CDH23: variants seen among roughly 807,000 people sequenced by gnomAD.
CDH23 encodes cadherin related 23, also known as cadherin-23.
In CDH23, 189 loss-of-function variants were observed where a neutral mutation model predicts 317.1. The ratio of observed to expected loss-of-function variants is 0.60; its 90% confidence interval spans 0.53 to 0.67. The LOEUF (loss-of-function observed/expected upper bound fraction) is 0.67. Ranked by LOEUF, CDH23 falls within the 30% of genes least tolerant of loss-of-function variation. The pLI, the probability that CDH23 is intolerant of heterozygous loss-of-function variation, is 0.00. For missense variants in CDH23, 4,401 were observed against 4,592.4 expected, an observed-to-expected ratio of 0.96 and a Z score of 1.20; for synonymous variants, 1,839 against 1,876.8, an observed-to-expected ratio of 0.98 and a Z score of 0.52.
intron 40 of CDH23, 124 bp downstream of exon 40, chr10:71,778,432 C>A (rs2132927764): frequency 1.6e-6 from 2 of 1,285,716 alleles, no homozygotes; most frequent in Non-Finnish European, 2.1e-6. Context: ...AATCCAAGAC[C>A]CCTGTCCTAA....
intron 53 of CDH23, among the ~76,000 whole-genome samples, chr10:71,801,842 AAC>A (rs1841566117): frequency 6.6e-6 from 1 of 152,168 alleles, no homozygotes; most frequent in Admixed American, 6.5e-5. Context: ...TGTTGGGAAA[AAC>A]ACAGCATTTG....
intron 9 of CDH23, among the ~76,000 whole-genome samples, chr10:71,603,463 A>G (rs1589253899): frequency 1.4e-5 from 1 of 72,712 alleles, no homozygotes; most frequent in Admixed American, 1.5e-4. Flanking sequence ...CAGAACAGAC[A>G]GCCAGCCCTC....
At chr10:71,444,452 G>C (rs774727093) in intron 2 of CDH23, among the ~76,000 whole-genome samples, 1 of 152,240 alleles carries the variant, frequency 6.6e-6, no homozygotes, top group Non-Finnish European at 1.5e-5. Context: ...AGGTGTGTAC[G>C]TGGGTGCATG....
Position 71,734,277 on chromosome 10 carries a change from A to T in CDH23, c.4142A>T (p.Lys1381Met), listed in dbSNP as rs1209272370. ...ITVQGLVDRE[K>M]GDFYTLTVVA... The stretch of plus-strand genomic sequence containing the variant: ...GTCCAGGGCCTGGTGGACCGTGAGA[A>T]GGGCGACTTCTATACCTTGACAGTG... The change falls in exon 33 of 70, where the codon AAG (lysine) becomes ATG (methionine). Residue 1381 changes from lysine (K) to methionine (M), a missense_variant. Lys to Met is a moderately conservative substitution (Grantham distance 95). Around this residue, in one of 3 missense-constraint regions of CDH23, gnomAD observed 3,068 missense variants for 3,203.3 expected, o/e 0.96. Transcript: ENST00000224721. The T allele has an allele frequency of 6.2e-7, 1 of 1,612,496 alleles. No homozygotes were observed. Among genetic ancestry groups the T allele is most frequent in the South Asian group, 1.1e-5 (1 of 90,590 alleles).
At chr10:71,601,987 G>A (rs1396700686) in intron 9 of CDH23, among the ~76,000 whole-genome samples, 1 of 150,806 alleles carries the variant, frequency 6.6e-6, no homozygotes, top group Admixed American at 6.6e-5. Context: ...CAGCCCCCAG[G>A]GGACCCCTCA....
chr10:71,445,093 C>A (rs1850093133), intron 2 of CDH23, among the ~76,000 whole-genome samples: 1 of 152,234 alleles, frequency 6.6e-6, no homozygotes, highest in Admixed American at 6.5e-5. Flanking sequence ...CCAGCCCGCT[C>A]TGAAGCCATC....
Position 71,793,479 on chromosome 10 carries a change from T to C in CDH23, c.6551T>C (p.Leu2184Pro), listed in dbSNP as rs1841320473. The C allele has an allele frequency of 6.2e-7, 1 of 1,614,024 alleles. No homozygotes were observed. The highest frequency in any genetic ancestry group is 1.1e-5 in the South Asian group (1 of 91,076). Residue 2184 changes from leucine to proline, a missense_variant, in exon 48 of 70, where the codon CTG becomes CCG. By Grantham distance (98) the Leu-to-Pro change is moderately conservative. Coordinates refer to ENST00000224721, the MANE Select transcript of CDH23 (RefSeq NM_022124.6). ...AACCCCATCCAGACAGTGAGCGTGC[T>C]GGAGTCGGCTGAGCCAGGCACTGTC... is the stretch of plus-strand genomic sequence containing the variant. Reference protein sequence around the residue: ...FLNPIQTVSVLESAEPGTVIA... With the variant: ...FLNPIQTVSVPESAEPGTVIA...
At chr10:71,666,931 G>T (rs1434317338) in intron 14 of CDH23, among the ~76,000 whole-genome samples, 1 of 152,266 alleles carries the variant, frequency 6.6e-6, no homozygotes, top group Non-Finnish European at 1.5e-5. Flanking sequence ...GGGCTCCACA[G>T]AGCTGTTTAA....
intron 9 of CDH23, among the ~76,000 whole-genome samples, chr10:71,586,613 C>T (rs529253212): frequency 4.6e-5 from 7 of 152,204 alleles, no homozygotes; most frequent in East Asian, 1.9e-4. Flanking sequence ...CCACACCTTA[C>T]CCTCACCTTA....
chr10:71,742,666 T>C (rs1839769203), intron 38 of CDH23, among the ~76,000 whole-genome samples: 1 of 152,220 alleles, frequency 6.6e-6, no homozygotes, highest in African/African-American at 2.4e-5. Flanking sequence ...AGGGAGATAA[T>C]ATCTACCTCA....
At chr10:71,450,764 A>G (rs1850400328) in intron 3 of CDH23, among the ~76,000 whole-genome samples, 1 of 151,976 alleles carries the variant, frequency 6.6e-6, no homozygotes, top group Admixed American at 6.6e-5. Context: ...AGAGGGCCCC[A>G]GGGCTCAGCT....
intron 1 of CDH23, among the ~76,000 whole-genome samples, chr10:71,416,794 A>G (rs1848553215): frequency 6.6e-6 from 1 of 152,156 alleles, no homozygotes. Flanking sequence ...CAGTCTCCCA[A>G]ATAGGTAGGA....
At chr10:71,440,793 A>G (rs1242519152) in intron 2 of CDH23, among the ~76,000 whole-genome samples, 2 of 152,166 alleles carry the variant, frequency 1.3e-5, no homozygotes, top group Admixed American at 6.5e-5. Flanking sequence ...GGCATCCCCC[A>G]GGGCCATAGC....
intron 38 of CDH23, chr10:71,773,287 C>T: frequency 6.6e-7 from 1 of 1,510,706 alleles, no homozygotes; most frequent in Non-Finnish European, 9.0e-7. Flanking sequence ...ACGCCCCCAT[C>T]CCACAGTTCC....
chr10:71,751,238 T>C lies in CDH23; in HGVS notation c.4845+9317T>C. 1 of 1,605,380 alleles carries C rather than the reference T, an allele frequency of 6.2e-7. No individual in the cohort carries two copies. Among genetic ancestry groups the C allele is most frequent in the Non-Finnish European group, 8.5e-7 (1 of 1,175,328 alleles). On this transcript the variant is annotated intron_variant, in intron 38 of 69. Coordinates refer to ENST00000224721, the MANE Select transcript of CDH23 (RefSeq NM_022124.6). This position sits in a 1 kb window ranked among gnomAD's most constrained non-coding sequence, Gnocchi z 4.9. ...CCCAGACCCAGCCACAACAGCCCAC[T>C]GTCCCCCAGCTGGGCTAGATGACCT...
At position 71,716,121 on chromosome 10, in the gene CDH23, C is replaced by G. The variant is rs773965872; in HGVS notation, c.3369+3308C>G. Reference sequence around the variant, plus strand: ...CTCCCAGGGTGGTGGGGCATGCACTCGTGAGCCCTGCGGCGGCTCGGGTCC... The same window carrying G: ...CTCCCAGGGTGGTGGGGCATGCACTGGTGAGCCCTGCGGCGGCTCGGGTCC... On this transcript the variant is annotated intron_variant, in intron 28 of 69. Coordinates refer to ENST00000224721, the MANE Select transcript of CDH23 (RefSeq NM_022124.6). 5.2e-6 allele frequency: 8 copies of G among 1,549,042 alleles called. No homozygotes were observed. In the East Asian group the frequency reaches 1.5e-4, roughly 28 times the overall value.
intron 38 of CDH23, among the ~76,000 whole-genome samples, chr10:71,768,328 G>A (rs1402913191): frequency 2.6e-5 from 4 of 152,030 alleles, no homozygotes; most frequent in Admixed American, 6.6e-5. Flanking sequence ...CCGCCACCAC[G>A]CCTGGCTAAT....
intron 1 of CDH23, among the ~76,000 whole-genome samples, chr10:71,421,844 G>T (rs1435791972): frequency 6.6e-6 from 1 of 152,126 alleles, no homozygotes; most frequent in East Asian, 1.9e-4. Context: ...GTGTGTGTGT[G>T]TGTGTGTCTG....
intron 26 of CDH23, among the ~76,000 whole-genome samples, chr10:71,708,299 C>G (rs1865861191): frequency 6.6e-6 from 1 of 152,168 alleles, no homozygotes; most frequent in Non-Finnish European, 1.5e-5. Context: ...CTGACCTGCC[C>G]AGAGCCCTCC....
Sources: allele counts gnomAD v4.1 joint callset (sites outside exome capture counted in the v4.1 genomes callset), GRCh38; gene constraint gnomAD v4.1.1; regional missense constraint gnomAD v4.1.1; non-coding constraint Gnocchi (gnomAD v3.1); transcripts MANE v1.5; gene names NCBI Gene and HGNC (gene_info 2026-07-23, HGNC 2026-07-21).